NOVA1: variants seen among roughly 807,000 people sequenced by gnomAD.
NOVA1 encodes NOVA alternative splicing regulator 1.
Under a neutral mutation model 38.0 loss-of-function variants are expected in NOVA1, and 7 were observed. The ratio of observed to expected loss-of-function variants is 0.18; its 90% confidence interval spans 0.10 to 0.35. The LOEUF (loss-of-function observed/expected upper bound fraction) is 0.35. Ranked by LOEUF, NOVA1 falls within the 10% of genes least tolerant of loss-of-function variation. NOVA1 has a pLI of 1.00. For synonymous variants in NOVA1, 270 were observed against 232.5 expected, an observed-to-expected ratio of 1.16 and a Z score of -1.47; for missense variants, 460 against 616.0, an observed-to-expected ratio of 0.75 and a Z score of 2.68.
intron 2 of NOVA1, among the ~76,000 whole-genome samples, chr14:26,570,948 G>GT (rs1452476448): frequency 6.6e-6 from 1 of 151,758 alleles, no homozygotes; most frequent in Non-Finnish European, 1.5e-5. Flanking sequence ...TCTAAGAAAA[G>GT]TATTTTTTCT....
At chr14:26,595,357 T>C in intron 2 of NOVA1, 53 bp downstream of exon 2, 1 of 1,556,436 alleles carries the variant, frequency 6.4e-7, no homozygotes, top group Non-Finnish European at 8.7e-7. Context: ...CACAAGTAGA[T>C]CTTTCTTTCC....
intron 2 of NOVA1, among the ~76,000 whole-genome samples, chr14:26,526,728 A>G (rs1889326694): frequency 6.6e-6 from 1 of 152,168 alleles, no homozygotes. Context: ...TCAAGGGGAT[A>G]AGAGCTAAAA....
intron 4 of NOVA1, among the ~76,000 whole-genome samples, chr14:26,471,526 T>C (rs927168464): frequency 2.0e-5 from 3 of 151,860 alleles, no homozygotes; most frequent in Non-Finnish European, 2.9e-5. Flanking sequence ...AATAAAAATG[T>C]GTTTAATAAT....
intron 2 of NOVA1, among the ~76,000 whole-genome samples, chr14:26,526,324 T>A (rs1566504682): frequency 6.6e-6 from 1 of 152,144 alleles, no homozygotes; most frequent in South Asian, 2.1e-4. Flanking sequence ...GTCTTACAAA[T>A]TTGGATTGGT....
intron 2 of NOVA1, among the ~76,000 whole-genome samples, chr14:26,499,118 G>A (rs1887061764): frequency 6.6e-6 from 1 of 152,148 alleles, no homozygotes; most frequent in Admixed American, 6.5e-5. Flanking sequence ...TAAAACTATA[G>A]CTAATAATAG....
rs561759967 is a variant in NOVA1, at chr14:26,525,406, T to C, written c.281-45263A>G. ...TTATGTTAAGACACAAATGTTCTAT[T>C]GCAGTATTTACAATGAGGAAAAACA... On this transcript the variant is annotated intron_variant, in intron 2 of 4. Transcript: ENST00000539517. Among the ~76,000 whole-genome samples, 231 of 152,246 alleles carry C rather than the reference T, an allele frequency of 1.5e-3. 1 individual carries two copies. Among genetic ancestry groups the C allele is most frequent in the African/African-American group, 4.5e-3 (189 of 41,584 alleles).
At position 26,597,701 on chromosome 14, in the gene NOVA1, AG is replaced by A; in HGVS notation, c.-266del. ...GGAATGGAGGGGGTGTGAGAGACGG[AG>A]GGTGAAAGAAGAAGAAGAAAGGAGA... On this transcript the variant is annotated 5_prime_UTR_variant, in exon 1 of 5. Transcript: ENST00000539517. 7 of 1,131,260 alleles carry A rather than the reference AG, an allele frequency of 6.2e-6. No homozygotes were observed. Among genetic ancestry groups the A allele is most frequent in the Non-Finnish European group, 7.5e-6 (7 of 927,728 alleles). The allele number at this position is 1,131,260 out of a possible 1,614,324, so 70.1% of individuals were successfully genotyped here. A position where few individuals can be genotyped will look rare whatever the true frequency, so the allele number is the denominator to read the frequency against.
intron 2 of NOVA1, among the ~76,000 whole-genome samples, chr14:26,480,951 T>A (rs2138299504): frequency 6.6e-6 from 1 of 152,216 alleles, no homozygotes; most frequent in South Asian, 2.1e-4. Context: ...ATCTTGTGAA[T>A]AAAATGTAAA....
intron 2 of NOVA1, among the ~76,000 whole-genome samples, chr14:26,546,945 C>G (rs536377134): frequency 1.3e-5 from 2 of 151,898 alleles, no homozygotes; most frequent in Admixed American, 1.3e-4. Context: ...TTTGAACCCG[C>G]GAGGCAGAGG....
intron 3 of NOVA1, among the ~76,000 whole-genome samples, chr14:26,478,139 CAAATAA>C (rs1487632195): frequency 1.3e-5 from 2 of 151,524 alleles, no homozygotes; most frequent in East Asian, 3.9e-4. Flanking sequence ...TCCAAAAAGG[CAAATAA>C]AAATAAAGCA....
chr14:26,449,006 T>C, intron 4 of NOVA1, 43 bp from the exon 5 acceptor site: 1 of 1,506,496 alleles, frequency 6.6e-7, no homozygotes. Flanking sequence ...TTCTGTTTTG[T>C]GCATATACAT....
intron 4 of NOVA1, among the ~76,000 whole-genome samples, chr14:26,449,552 T>C (rs956842803): frequency 1.3e-5 from 2 of 152,120 alleles, no homozygotes; most frequent in African/African-American, 2.4e-5. Flanking sequence ...GTAAAATTAT[T>C]AGCATTTTCA....
At chr14:26,498,566 T>C (rs1459480489) in intron 2 of NOVA1, among the ~76,000 whole-genome samples, 1 of 152,148 alleles carries the variant, frequency 6.6e-6, no homozygotes, top group Non-Finnish European at 1.5e-5. Context: ...AAACTATTTC[T>C]AGTCTTTTCC....
At position 26,498,499 on chromosome 14, in the gene NOVA1, A is replaced by G. The variant is rs192968391; in HGVS notation, c.281-18356T>C. On this transcript the variant is annotated intron_variant, in intron 2 of 4. Coordinates refer to ENST00000539517, the MANE Select transcript of NOVA1 (RefSeq NM_002515.3). ...TTATAAACATCTATAATCAACTGAC[A>G]AGAATATTCAGAAAATGCCATATTA... Among the ~76,000 whole-genome samples the G allele has an allele frequency of 1.1e-3, 164 of 152,296 alleles. 1 individual carries two copies. Among genetic ancestry groups the G allele is most frequent in the Non-Finnish European group, 1.4e-3 (96 of 68,016 alleles).
intron 2 of NOVA1, among the ~76,000 whole-genome samples, chr14:26,506,532 A>G (rs1351945432): frequency 1.3e-5 from 2 of 152,142 alleles, no homozygotes; most frequent in East Asian, 3.9e-4. Context: ...AATCTTAATC[A>G]GTGCAGACCT....
intron 2 of NOVA1, among the ~76,000 whole-genome samples, chr14:26,542,234 T>C (rs1403957607): frequency 2.6e-5 from 4 of 152,062 alleles, no homozygotes; most frequent in African/African-American, 7.2e-5. Flanking sequence ...AGGGAAAATA[T>C]GCTTTCTCTT....
intron 2 of NOVA1, among the ~76,000 whole-genome samples, chr14:26,590,443 G>T (rs1893774538): frequency 6.6e-6 from 1 of 151,780 alleles, no homozygotes; most frequent in Non-Finnish European, 1.5e-5. Context: ...AAATTCTATG[G>T]TCAAAAATAT....
intron 4 of NOVA1, among the ~76,000 whole-genome samples, chr14:26,462,258 A>G (rs1883743582): frequency 6.6e-6 from 1 of 152,198 alleles, no homozygotes; most frequent in South Asian, 2.1e-4. Context: ...CTCAATGCTG[A>G]AACTAATACC....
At chr14:26,449,589 T>C (rs1420073423) in intron 4 of NOVA1, among the ~76,000 whole-genome samples, 2 of 152,268 alleles carry the variant, frequency 1.3e-5, no homozygotes, top group East Asian at 3.9e-4. Flanking sequence ...AAATATAACT[T>C]CATAATAGTT....
Sources: gnomAD v4.1 joint callset for allele counts (sites outside exome capture counted in the v4.1 genomes callset) on GRCh38, gnomAD v4.1.1 for gene constraint, MANE v1.5 for transcripts, NCBI Gene and HGNC (gene_info 2026-07-23, HGNC 2026-07-21) for gene names.